Variants in MGMT observed in about 807,000 individuals in gnomAD.
MGMT encodes the protein O-6-methylguanine-DNA methyltransferase, also known as methylated-DNA--protein-cysteine methyltransferase.
A neutral mutation model predicts 15.9 loss-of-function variants in MGMT; 14 were observed. The ratio of observed to expected loss-of-function variants is 0.88; its 90% CI spans 0.58 to 1.37. The LOEUF (loss-of-function observed/expected upper bound fraction) is 1.37. Ranked by LOEUF, MGMT falls within the 40% of genes most tolerant of loss-of-function variation. MGMT has a pLI of 0.00. For synonymous variants in MGMT, 130 were observed against 118.2 expected (o/e 1.10, Z -0.65); for missense variants, 282 against 268.1 (o/e 1.05, Z -0.36).
rs547146964 is a variant in MGMT at position 129,542,496 on chromosome 10, CACTT to C, written c.125+6121_125+6124del. 4.6e-3 allele frequency among the ~76,000 whole-genome samples: 698 copies of C among 152,288 alleles called. 5 individuals are homozygous for C. The highest frequency in any genetic ancestry group is 0.016 in the African/African-American group (665 of 41,562). On this transcript the variant is annotated intron_variant, in intron 2 of 4. Coordinates refer to ENST00000651593, the MANE Select transcript of MGMT (RefSeq NM_002412.5). The stretch of plus-strand genomic sequence containing the variant: ...AGAAGAAACTGTTCTTAAGGACAAA[CACTT>C]AGAGAAGCACTGCCAGTAAAAATAA...
intron 1 of MGMT, among the ~76,000 whole-genome samples, chr10:129,476,954 G>A (rs537438289): frequency 2.1e-4 from 32 of 152,246 alleles, no homozygotes; most frequent in African/African-American, 6.3e-4. Context: ...AGAGCCAGCC[G>A]CATGGTCCTC....
At chr10:129,706,792 CA>C (rs1169071973) in intron 2 of MGMT, among the ~76,000 whole-genome samples, 2 of 152,178 alleles carry the variant, frequency 1.3e-5, no homozygotes, top group African/African-American at 4.8e-5. Context: ...GTCCGTGGAA[CA>C]CAGCCCCAGA....
At chr10:129,652,706 C>T (rs528530284) in intron 2 of MGMT, among the ~76,000 whole-genome samples, 4 of 152,180 alleles carry the variant, frequency 2.6e-5, no homozygotes, top group East Asian at 2.0e-4. Context: ...CGTCAGCTGC[C>T]GGAGAGTCAG....
At chr10:129,502,906 C>G (rs1349866639) in intron 1 of MGMT, among the ~76,000 whole-genome samples, 2 of 152,170 alleles carry the variant, frequency 1.3e-5, no homozygotes, top group Non-Finnish European at 2.9e-5. Flanking sequence ...CATAAAAATG[C>G]ATGTAGTCCA....
chr10:129,506,616 C>G (rs1845628063), intron 1 of MGMT, among the ~76,000 whole-genome samples: 1 of 152,094 alleles, frequency 6.6e-6, no homozygotes, highest in Non-Finnish European at 1.5e-5. Flanking sequence ...GTCCTGAGCC[C>G]TCGGACTGCT....
intron 2 of MGMT, among the ~76,000 whole-genome samples, chr10:129,657,697 A>ACACACG (rs1847542708): frequency 3.6e-5 from 5 of 138,718 alleles, no homozygotes; most frequent in African/African-American, 1.2e-4. Flanking sequence ...ACACACACAC[A>ACACACG]CACACACACG....
In MGMT at chr10:129,606,448, G is replaced by A. The variant is rs747401441; in HGVS notation, c.125+70071G>A. Among the ~76,000 whole-genome samples, 18 of 152,298 alleles carry A rather than the reference G, an allele frequency of 1.2e-4. No individual in the cohort carries two copies. The South Asian group carries it at 2.3e-3, about 19-fold the overall frequency. On this transcript the variant is annotated intron_variant, in intron 2 of 4. Transcript: ENST00000651593. The stretch of plus-strand genomic sequence containing the variant: ...TTCCTGCCGTATTAGGGAGCAAAGC[G>A]TGCAGCGGGGAGGCCCCTGAGGTCT...
intron 2 of MGMT, among the ~76,000 whole-genome samples, chr10:129,622,203 A>T (rs1847098499): frequency 6.6e-6 from 1 of 152,190 alleles, no homozygotes; most frequent in African/African-American, 2.4e-5. Context: ...GATTGGTATG[A>T]CCTGAATCGA....
At chr10:129,480,895 G>T (rs944134681) in intron 1 of MGMT, among the ~76,000 whole-genome samples, 3 of 152,226 alleles carry the variant, frequency 2.0e-5, no homozygotes, top group African/African-American at 7.2e-5. Context: ...AATGAAGTTG[G>T]TAAGTTCATC....
At chr10:129,754,891 C>G (rs943092494) in intron 3 of MGMT, among the ~76,000 whole-genome samples, 8 of 150,006 alleles carry the variant, frequency 5.3e-5, no homozygotes, top group African/African-American at 2.0e-4. Flanking sequence ...GAAACCTTAG[C>G]AGCAGGTGAT....
chr10:129,569,691 C>T (rs140702608), intron 2 of MGMT, among the ~76,000 whole-genome samples: 620 of 152,266 alleles, frequency 4.1e-3, no homozygotes, highest in Non-Finnish European at 6.0e-3. Context: ...ACTCCTTTGC[C>T]TCCTGACCTT....
chr10:129,585,509 T>C (rs1846607931), intron 2 of MGMT, among the ~76,000 whole-genome samples: 1 of 152,166 alleles, frequency 6.6e-6, no homozygotes, highest in African/African-American at 2.4e-5. Flanking sequence ...CCGCAGGTGC[T>C]CAAGCCTCTT....
At chr10:129,508,959 C>G (rs1341870924) in intron 1 of MGMT, among the ~76,000 whole-genome samples, 2 of 152,024 alleles carry the variant, frequency 1.3e-5, no homozygotes, top group East Asian at 3.9e-4. Flanking sequence ...GTGGATATTG[C>G]TAATTACTTA....
chr10:129,705,900 A>G (rs1848154804), intron 2 of MGMT, among the ~76,000 whole-genome samples: 1 of 152,034 alleles, frequency 6.6e-6, no homozygotes, highest in Admixed American at 6.5e-5. Flanking sequence ...CCAGGGCAAC[A>G]GCCCCATCCA....
At chr10:129,725,189 A>G (rs923536596) in intron 3 of MGMT, among the ~76,000 whole-genome samples, 4 of 152,288 alleles carry the variant, frequency 2.6e-5, no homozygotes, top group South Asian at 2.1e-4. Flanking sequence ...TCAGCTTTGC[A>G]GCCGTCCCTG....
chr10:129,709,495 G>T (rs949520319), intron 3 of MGMT, among the ~76,000 whole-genome samples: 2 of 152,204 alleles, frequency 1.3e-5, no homozygotes, highest in Admixed American at 1.3e-4. Context: ...CTTTTTGGGG[G>T]TTCGCCTGCC....
Position 129,467,283 on chromosome 10 carries a change from C to G in MGMT, c.-26C>G. ...CGCCCGCAGGTCCTCGCGGTGCGCA[C>G]CGTTTGCGACTTGGTGAGTGTCTGG... is the stretch of plus-strand genomic sequence containing the variant. On this transcript the variant is annotated 5_prime_UTR_variant, in exon 1 of 5. Coordinates refer to ENST00000651593, the MANE Select transcript of MGMT (RefSeq NM_002412.5). 6.5e-7 allele frequency: 1 copy of G among 1,543,342 alleles called. No individual in the cohort carries two copies. Among genetic ancestry groups the G allele is most frequent in the African/African-American group, 1.4e-5 (1 of 72,326 alleles).
intron 2 of MGMT, among the ~76,000 whole-genome samples, chr10:129,639,525 T>C (rs1202761831): frequency 6.6e-6 from 1 of 152,222 alleles, no homozygotes; most frequent in African/African-American, 2.4e-5. Flanking sequence ...TTAACATTTC[T>C]GGAATACACT....
At chr10:129,635,328 T>G (rs1034880891) in intron 2 of MGMT, among the ~76,000 whole-genome samples, 1 of 152,234 alleles carries the variant, frequency 6.6e-6, no homozygotes, top group Non-Finnish European at 1.5e-5. Context: ...AAACTCTGCC[T>G]GTCCTGGTTT....
Sources: allele counts gnomAD v4.1 joint callset (sites outside exome capture counted in the v4.1 genomes callset), GRCh38; gene constraint gnomAD v4.1.1; transcripts MANE v1.5; gene names NCBI Gene and HGNC (gene_info 2026-07-23, HGNC 2026-07-21).